Variants in CDH12 observed in about 807,000 individuals in gnomAD.
The protein encoded by CDH12 is cadherin-12.
Under a neutral mutation model 74.1 loss-of-function variants are expected in CDH12, and 41 were observed. That is an observed-to-expected ratio of 0.55 (90% CI 0.43 to 0.72). The LOEUF is 0.72. Among genes scored for constraint, CDH12 ranks in the 30% least tolerant of loss-of-function variants. CDH12 has a pLI of 0.00. For missense variants in CDH12, 945 were observed against 977.2 expected (o/e 0.97, Z 0.44); for synonymous variants, 399 against 355.0 (o/e 1.12, Z -1.39).
intron 1 of CDH12, among the ~76,000 whole-genome samples, chr5:22,511,896 G>A (rs1053584843): frequency 1.3e-5 from 2 of 151,886 alleles, no homozygotes; most frequent in African/African-American, 4.8e-5. Flanking sequence ...TCATGAAAAT[G>A]GTCTTATAAC....
At chr5:22,116,245 A>C (rs1163001952) in intron 4 of CDH12, among the ~76,000 whole-genome samples, 2 of 152,154 alleles carry the variant, frequency 1.3e-5, no homozygotes, top group Non-Finnish European at 2.9e-5. Context: ...ACATAAAGAC[A>C]CTACAGGCCA....
chr5:22,470,811 G>A (rs763776746), intron 2 of CDH12, among the ~76,000 whole-genome samples: 7 of 150,708 alleles, frequency 4.6e-5, no homozygotes, highest in Non-Finnish European at 1.0e-4. Context: ...TCAGTGTAGG[G>A]CACTTCTGAG....
At chr5:22,706,871 C>T (rs1204867464) in intron 1 of CDH12, among the ~76,000 whole-genome samples, 1 of 152,102 alleles carries the variant, frequency 6.6e-6, no homozygotes, top group African/African-American at 2.4e-5. Context: ...CTTTTTCACA[C>T]TATTCTGAAA....
chr5:22,624,439 A>G (rs867792548), intron 1 of CDH12, among the ~76,000 whole-genome samples: 2 of 152,220 alleles, frequency 1.3e-5, no homozygotes, highest in Non-Finnish European at 2.9e-5. Context: ...CAGAATCTAC[A>G]AAGAACTCAA....
intron 4 of CDH12, among the ~76,000 whole-genome samples, chr5:22,201,396 C>A (rs1173063681): frequency 7.9e-5 from 12 of 152,224 alleles, no homozygotes; most frequent in East Asian, 1.9e-4. Context: ...AACTGGAGGC[C>A]ATTATCTTAC....
intron 3 of CDH12, among the ~76,000 whole-genome samples, chr5:22,308,841 C>G: frequency 6.7e-6 from 1 of 148,444 alleles, no homozygotes; most frequent in Admixed American, 6.7e-5. Flanking sequence ...CACACACACA[C>G]ACACATACAC....
intron 3 of CDH12, among the ~76,000 whole-genome samples, chr5:22,338,574 T>C (rs189052503): frequency 2.6e-5 from 4 of 152,144 alleles, no homozygotes; most frequent in African/African-American, 9.6e-5. Context: ...TAACTAAAAG[T>C]TTTTTTGTAA....
intron 8 of CDH12, among the ~76,000 whole-genome samples, chr5:21,822,158 A>C (rs149429917): frequency 6.3e-4 from 96 of 152,018 alleles, no homozygotes; most frequent in African/African-American, 2.2e-3. Flanking sequence ...TTTGTTTTTG[A>C]AAGTCACTTA....
chr5:22,246,060 T>A (rs963726245), intron 3 of CDH12, among the ~76,000 whole-genome samples: 1 of 152,136 alleles, frequency 6.6e-6, no homozygotes, highest in Non-Finnish European at 1.5e-5. Context: ...ATGTTCCTTT[T>A]CACATACAAA....
chr5:22,783,093 A>C lies in CDH12; in HGVS notation c.-523+69965T>G, dbSNP rs6889752. Among the ~76,000 whole-genome samples the C allele has an allele frequency of 3.1e-3, 479 of 152,282 alleles. 4 individuals carry two copies. Among genetic ancestry groups the C allele is most frequent in the African/African-American group, 0.011 (450 of 41,552 alleles). ...AATTCATAATACAATGCAAAGAATA[A>C]ATTTTGGTAATTTCAATATCATATG... On this transcript the variant is annotated intron_variant, in intron 1 of 14. Coordinates refer to ENST00000382254, the MANE Select transcript of CDH12 (RefSeq NM_004061.5).
At chr5:22,451,339 G>T (rs1055279384) in intron 2 of CDH12, among the ~76,000 whole-genome samples, 4 of 151,768 alleles carry the variant, frequency 2.6e-5, no homozygotes, top group Non-Finnish European at 5.9e-5. Flanking sequence ...ATAAATATCT[G>T]CCCAGTTATT....
At chr5:22,354,060 G>A (rs140999251) in intron 3 of CDH12, among the ~76,000 whole-genome samples, 3 of 152,178 alleles carry the variant, frequency 2.0e-5, no homozygotes, top group Admixed American at 6.5e-5. Context: ...GTCTCAGAAA[G>A]CACTTTCCTC....
Position 22,812,202 on chromosome 5 carries a change from C to T in CDH12, c.-523+40856G>A, listed in dbSNP as rs1367111482. ...GGTGCTTTCAAGCATAGGGATTATA[C>T]TTAAAAGCTGAGGCTCTCCGCTCAG... is the stretch of plus-strand genomic sequence containing the variant. On this transcript the variant is annotated intron_variant, in intron 1 of 14. Coordinates refer to ENST00000382254, the MANE Select transcript of CDH12 (RefSeq NM_004061.5). Among the ~76,000 whole-genome samples, 4 of 152,074 alleles carry T rather than the reference C, an allele frequency of 2.6e-5. No individual in the cohort carries two copies. In the East Asian group the frequency reaches 7.7e-4, roughly 29 times the overall value.
intron 3 of CDH12, among the ~76,000 whole-genome samples, chr5:22,325,903 G>A (rs1297201203): frequency 6.6e-6 from 1 of 151,898 alleles, no homozygotes; most frequent in Non-Finnish European, 1.5e-5. Context: ...GGGAGACTCC[G>A]TCTCAGAACA....
chr5:22,576,315 A>G (rs1739785043), intron 1 of CDH12, among the ~76,000 whole-genome samples: 2 of 152,028 alleles, frequency 1.3e-5, no homozygotes, highest in Non-Finnish European at 2.9e-5. Context: ...CTCTGCACAT[A>G]CTTCCCAAAC....
intron 1 of CDH12, among the ~76,000 whole-genome samples, chr5:22,820,823 C>T (rs1749660023): frequency 6.6e-6 from 1 of 152,140 alleles, no homozygotes; most frequent in African/African-American, 2.4e-5. Flanking sequence ...GAACCGGTAC[C>T]ATTCCTTCTG....
chr5:22,774,282 A>G (rs1335717306), intron 1 of CDH12, among the ~76,000 whole-genome samples: 5 of 152,188 alleles, frequency 3.3e-5, no homozygotes, highest in Non-Finnish European at 5.9e-5. Context: ...AAACCATGGA[A>G]TACTATGCAG....
At position 21,752,155 on chromosome 5, in the gene CDH12, T is replaced by C. The variant is rs1744127296; in HGVS notation, c.1967A>G (p.Asn656Ser). 2.5e-6 allele frequency: 4 copies of C among 1,614,020 alleles called. No homozygotes were observed. The highest frequency in any genetic ancestry group is 3.4e-6 in the Non-Finnish European group (4 of 1,179,922). ...TCCTTCATCATCGTAATGGATGACGTTGTCTCTGATGTCTTCTTTAGAGGT... is the reference window on the plus strand; with the variant it reads ...TCCTTCATCATCGTAATGGATGACGCTGTCTCTGATGTCTTCTTTAGAGGT... ...LMTSKEDIRD[N>S]VIHYDDEGGG... The change falls in exon 15 of 15, where the codon AAC becomes AGC. Residue 656 changes from asparagine to serine, a missense_variant. Around this residue, in one of 3 missense-constraint regions of CDH12, gnomAD observed 791 missense variants for 792.8 expected, o/e 1.00. Transcript: ENST00000382254.
intron 2 of CDH12, among the ~76,000 whole-genome samples, chr5:22,431,937 T>A (rs1020811999): frequency 6.6e-6 from 1 of 152,142 alleles, no homozygotes; most frequent in African/African-American, 2.4e-5. Flanking sequence ...CATCAATTTA[T>A]TGTTTAAGAA....
Sources: allele counts gnomAD v4.1 joint callset (sites outside exome capture counted in the v4.1 genomes callset), GRCh38; gene constraint gnomAD v4.1.1; regional missense constraint gnomAD v4.1.1; transcripts MANE v1.5; gene names NCBI Gene and HGNC (gene_info 2026-07-23, HGNC 2026-07-21).